Variants in IGSF23 observed in about 807,000 individuals in gnomAD.
The protein encoded by IGSF23 is immunoglobulin superfamily, member 23.
In IGSF23, 14 loss-of-function variants were observed where a neutral mutation model predicts 17.8. That is an observed-to-expected ratio of 0.79 (90% CI 0.52 to 1.23). The LOEUF (loss-of-function observed/expected upper bound fraction) is 1.23, where lower values mean the gene tolerates loss of function less well. Ranked by LOEUF, IGSF23 falls within the 50% of genes most tolerant of loss-of-function variation. The pLI, the probability that IGSF23 is intolerant of heterozygous loss-of-function variation, is 0.00. For missense variants in IGSF23, 214 were observed against 241.7 expected (o/e 0.89, Z 0.76); for synonymous variants, 85 against 92.5 (o/e 0.92, Z 0.46).
At chr19:44,633,325 C>G (rs1286652083) in intron 3 of IGSF23, among the ~76,000 whole-genome samples, 1 of 152,212 alleles carries the variant, frequency 6.6e-6, no homozygotes, top group East Asian at 1.9e-4. Flanking sequence ...AAATGATATT[C>G]TAATCTTTGG....
intron 3 of IGSF23, among the ~76,000 whole-genome samples, chr19:44,633,045 T>A (rs949449543): frequency 2.0e-5 from 3 of 152,230 alleles, no homozygotes; most frequent in Non-Finnish European, 4.4e-5. Flanking sequence ...TCTGGAAAAC[T>A]TTACCTTTCA....
intron 1 of IGSF23, among the ~76,000 whole-genome samples, chr19:44,619,730 G>A (rs748108700): frequency 1.3e-5 from 2 of 152,112 alleles, no homozygotes. Context: ...CATCCCTGGT[G>A]TCTCTCTGTG....
chr19:44,627,337 G>T, intron 2 of IGSF23, 83 bp from the exon 3 acceptor site: 1 of 1,341,550 alleles, frequency 7.5e-7, no homozygotes. Flanking sequence ...AGAGACACTT[G>T]GGAGGGGGAA....
intron 1 of IGSF23, among the ~76,000 whole-genome samples, chr19:44,620,186 T>C (rs947171452): frequency 6.6e-6 from 1 of 151,868 alleles, no homozygotes; most frequent in Non-Finnish European, 1.5e-5. Flanking sequence ...GTAGAATCGC[T>C]TGAACCTGGG....
intron 3 of IGSF23, among the ~76,000 whole-genome samples, chr19:44,631,600 C>T (rs1367683708): frequency 1.3e-5 from 2 of 152,184 alleles, no homozygotes; most frequent in East Asian, 3.8e-4. Context: ...AATCAGGGGT[C>T]TCACAGCCTT....
At chr19:44,618,149 C>T (rs1251792243) in intron 1 of IGSF23, 5 of 470,988 alleles carry the variant, frequency 1.1e-5, no homozygotes, top group Admixed American at 4.7e-5. Context: ...ACACCTTGAC[C>T]GAAGGAGCCA....
Position 44,630,995 on chromosome 19 carries a change from T to C in IGSF23, c.545+3422T>C, listed in dbSNP as rs112387020. On this transcript the variant is annotated intron_variant, in intron 3 of 4. Coordinates refer to ENST00000402988, the MANE Select transcript of IGSF23 (RefSeq NM_001205280.2). ...ATATGGCAGTGTGTGGTGCTCACAA[T>C]TGTAATCCCAGCACTTTGGGAGGCT... Among the ~76,000 whole-genome samples the C allele has an allele frequency of 3.6e-3, 546 of 151,918 alleles. 6 individuals carry two copies. Among genetic ancestry groups the C allele is most frequent in the African/African-American group, 0.011 (468 of 41,442 alleles).
At chr19:44,614,050 A>G in intron 1 of IGSF23, 1 of 1,342,102 alleles carries the variant, frequency 7.5e-7, no homozygotes, top group Non-Finnish European at 1.0e-6. Context: ...GTGTCTCCTT[A>G]CGAGTCCAAG....
intron 2 of IGSF23, 110 bp from the exon 3 acceptor site, chr19:44,627,310 A>C: frequency 1.8e-6 from 2 of 1,138,910 alleles, no homozygotes; most frequent in Non-Finnish European, 2.4e-6. Flanking sequence ...GGAGGATGGA[A>C]GAGAAGGATG....
intron 1 of IGSF23, among the ~76,000 whole-genome samples, chr19:44,619,888 T>C (rs943226738): frequency 3.9e-5 from 6 of 152,176 alleles, no homozygotes; most frequent in African/African-American, 1.2e-4. Context: ...GGTTTCAACA[T>C]ATATGTTTGG....
chr19:44,635,569 AT>A, intron 4 of IGSF23, 104 bp downstream of exon 4: 2 of 790,318 alleles, frequency 2.5e-6, no homozygotes, highest in Non-Finnish European at 4.0e-6. Flanking sequence ...TTCCCTGGTC[AT>A]TTGTCTGTGA....
At chr19:44,635,161 A>G (rs1042612433) in intron 3 of IGSF23, among the ~76,000 whole-genome samples, 3 of 152,102 alleles carry the variant, frequency 2.0e-5, no homozygotes, top group Non-Finnish European at 4.4e-5. Context: ...CCTTTTCTCT[A>G]TGCTCATCCC....
intron 1 of IGSF23, among the ~76,000 whole-genome samples, chr19:44,616,051 T>A (rs1972367593): frequency 6.6e-6 from 1 of 152,168 alleles, no homozygotes; most frequent in Non-Finnish European, 1.5e-5. Flanking sequence ...AAAGCCACAG[T>A]GCAACGAACT....
chr19:44,630,146 A>C (rs559341326), intron 3 of IGSF23, among the ~76,000 whole-genome samples: 10 of 152,258 alleles, frequency 6.6e-5, no homozygotes, highest in African/African-American at 2.4e-4. Flanking sequence ...TGAGGAAGAG[A>C]AATCTGTAGG....
At chr19:44,622,057 A>G (rs1196770196) in intron 1 of IGSF23, among the ~76,000 whole-genome samples, 1 of 152,140 alleles carries the variant, frequency 6.6e-6, no homozygotes, top group Non-Finnish European at 1.5e-5. Context: ...CCCCATCTCC[A>G]CTAAAAATAC....
At chr19:44,635,375 TG>T in intron 3 of IGSF23, 25 bp from the exon 4 acceptor site, 1 of 1,453,110 alleles carries the variant, frequency 6.9e-7, no homozygotes, top group Non-Finnish European at 9.3e-7. Flanking sequence ...TCTCTCTCTC[TG>T]TCTCTCTCTC....
intron 3 of IGSF23, 33 bp from the exon 4 acceptor site, chr19:44,635,368 C>T (rs1408466363): frequency 3.0e-6 from 4 of 1,323,210 alleles, no homozygotes; most frequent in Admixed American, 2.2e-5. Flanking sequence ...CTCTCTCTCT[C>T]TCTCTCTGTC....
chr19:44,629,389 C>T lies in IGSF23; in HGVS notation c.545+1816C>T, dbSNP rs115723407. Among the ~76,000 whole-genome samples, 1,144 of 151,060 alleles carry T rather than the reference C, an allele frequency of 7.6e-3. 14 individuals are homozygous for T. The highest frequency in any genetic ancestry group is 0.026 in the African/African-American group (1,074 of 41,140). On this transcript the variant is annotated intron_variant, in intron 3 of 4. Transcript: ENST00000402988. Reference sequence around the variant, plus strand: ...CAACATAGTGAGACCCCGTCTCTACCAAAACTAAAGTTTTTTTTTTTTAAT... The same window carrying T: ...CAACATAGTGAGACCCCGTCTCTACTAAAACTAAAGTTTTTTTTTTTTAAT...
At chr19:44,621,047 C>T (rs1972507016) in intron 1 of IGSF23, among the ~76,000 whole-genome samples, 3 of 152,072 alleles carry the variant, frequency 2.0e-5, no homozygotes, top group South Asian at 4.2e-4. Context: ...TTTGGGAGGC[C>T]GAGGTGAGAG....
Sources: gnomAD v4.1 joint callset for allele counts (sites outside exome capture counted in the v4.1 genomes callset) on GRCh38, gnomAD v4.1.1 for gene constraint, MANE v1.5 for transcripts, NCBI Gene and HGNC (gene_info 2026-07-23, HGNC 2026-07-21) for gene names.